ARFIP1: variants seen among roughly 807,000 people sequenced by gnomAD.
ARFIP1 encodes the protein ARF interacting protein 1, also known as arfaptin-1.
A neutral mutation model predicts 42.5 loss-of-function variants in ARFIP1; 24 were observed. The observed-to-expected ratio is 0.57, with a 90% CI of 0.41 to 0.80. The LOEUF (loss-of-function observed/expected upper bound fraction) is 0.80, where lower values mean the gene tolerates loss of function less well. ARFIP1 is among the 30% of genes least tolerant of loss of function. The pLI, the probability that ARFIP1 is intolerant of heterozygous loss-of-function variation, is 0.00. For missense variants in ARFIP1, 354 were observed against 434.0 expected, an observed-to-expected ratio of 0.82 and a Z score of 1.64; for synonymous variants, 141 against 153.7, an observed-to-expected ratio of 0.92 and a Z score of 0.61.
At chr4:152,877,521 G>T (rs1183289942) in intron 5 of ARFIP1, among the ~76,000 whole-genome samples, 1 of 152,196 alleles carries the variant, frequency 6.6e-6, no homozygotes, top group Admixed American at 6.5e-5. Flanking sequence ...TCTCAGATGA[G>T]ACTTTGGACT....
intron 8 of ARFIP1, among the ~76,000 whole-genome samples, chr4:152,904,259 C>G (rs978666047): frequency 4.7e-5 from 7 of 148,812 alleles, no homozygotes; most frequent in African/African-American, 1.5e-4. Flanking sequence ...GGCGCAATAT[C>G]GGCTCACTGC....
chr4:152,821,871 GT>G (rs1561122302), intron 1 of ARFIP1, among the ~76,000 whole-genome samples: 1 of 152,132 alleles, frequency 6.6e-6, no homozygotes, highest in Non-Finnish European at 1.5e-5. Context: ...GCAAAACTAA[GT>G]TGTATAAATG....
intron 1 of ARFIP1, 117 bp from the exon 2 acceptor site, chr4:152,829,508 T>A (rs750952818): frequency 5.5e-5 from 32 of 583,238 alleles, no homozygotes; most frequent in Non-Finnish European, 8.9e-5. Flanking sequence ...ATACAAGTAT[T>A]TGGTAGGTTG....
At chr4:152,885,387 A>G (rs538815140) in intron 7 of ARFIP1, among the ~76,000 whole-genome samples, 1 of 152,144 alleles carries the variant, frequency 6.6e-6, no homozygotes, top group East Asian at 1.9e-4. Context: ...CCCATTCAAC[A>G]CTTCTCCACA....
At chr4:152,781,785 A>T (rs1040448300) in intron 1 of ARFIP1, among the ~76,000 whole-genome samples, 6 of 152,200 alleles carry the variant, frequency 3.9e-5, no homozygotes, top group Non-Finnish European at 5.9e-5. Flanking sequence ...TTCCAAATTG[A>T]TAAACTGGTT....
intron 7 of ARFIP1, among the ~76,000 whole-genome samples, chr4:152,884,005 A>G (rs1253610398): frequency 1.3e-5 from 2 of 152,008 alleles, no homozygotes; most frequent in Admixed American, 1.3e-4. Context: ...GTATTTTTGC[A>G]ATTGAGTGCT....
chr4:152,833,812 T>C (rs1731436462), intron 2 of ARFIP1, among the ~76,000 whole-genome samples: 1 of 152,174 alleles, frequency 6.6e-6, no homozygotes. Context: ...TGTACTTACA[T>C]GTGGAATCTT....
chr4:152,860,265 A>G (rs549381544), intron 2 of ARFIP1, among the ~76,000 whole-genome samples: 42 of 152,360 alleles, frequency 2.8e-4, no homozygotes, highest in African/African-American at 9.1e-4. Context: ...TTATGCAGCC[A>G]TTAAGTGACT....
chr4:152,875,479 C>A (rs1735256747), intron 5 of ARFIP1, among the ~76,000 whole-genome samples: 1 of 148,312 alleles, frequency 6.7e-6, no homozygotes, highest in Non-Finnish European at 1.5e-5. Flanking sequence ...AAGAATTTGC[C>A]ATTAGCATTC....
chr4:152,811,068 C>T (rs1349995347), intron 1 of ARFIP1, among the ~76,000 whole-genome samples: 1 of 142,800 alleles, frequency 7.0e-6, no homozygotes, highest in African/African-American at 2.6e-5. Flanking sequence ...AAATCGACAA[C>T]AGCCACATGC....
chr4:152,899,820 T>TTA (rs1219800025), intron 8 of ARFIP1, among the ~76,000 whole-genome samples: 1 of 152,136 alleles, frequency 6.6e-6, no homozygotes, highest in Non-Finnish European at 1.5e-5. Context: ...ATAAGGATTT[T>TTA]TATATATATA....
chr4:152,820,410 T>C (rs1244771174), intron 1 of ARFIP1, among the ~76,000 whole-genome samples: 2 of 152,068 alleles, frequency 1.3e-5, no homozygotes, highest in Non-Finnish European at 2.9e-5. Flanking sequence ...ACAGTGAACC[T>C]TCTCACACAC....
At chr4:152,799,865 T>G (rs187222918) in intron 1 of ARFIP1, among the ~76,000 whole-genome samples, 6 of 152,308 alleles carry the variant, frequency 3.9e-5, no homozygotes, top group Admixed American at 3.9e-4. Flanking sequence ...AGTTTTGTCT[T>G]TGTAATTGTC....
At chr4:152,889,594 A>T (rs1271443797) in intron 8 of ARFIP1, among the ~76,000 whole-genome samples, 1 of 115,626 alleles carries the variant, frequency 8.6e-6, no homozygotes, top group Non-Finnish European at 1.7e-5. Context: ...TATACACATA[A>T]ATATATATAT....
chr4:152,804,366 T>TATTTTA (rs1188433256), intron 1 of ARFIP1, among the ~76,000 whole-genome samples: 14 of 86,356 alleles, frequency 1.6e-4, no homozygotes, highest in African/African-American at 5.9e-4. Context: ...GTATTATATA[T>TATTTTA]TATATATAAT....
At chr4:152,810,920 A>G (rs1036445088) in intron 1 of ARFIP1, among the ~76,000 whole-genome samples, 1 of 151,958 alleles carries the variant, frequency 6.6e-6, no homozygotes, top group African/African-American at 2.4e-5. Context: ...TATCTCTACT[A>G]TATGATGTTG....
At chr4:152,840,276 G>T (rs1403645262) in intron 2 of ARFIP1, among the ~76,000 whole-genome samples, 2 of 152,144 alleles carry the variant, frequency 1.3e-5, no homozygotes, top group African/African-American at 4.8e-5. Context: ...TTTGTTCCAA[G>T]GTATAGTTTA....
intron 8 of ARFIP1, among the ~76,000 whole-genome samples, chr4:152,906,849 C>T (rs1259620132): frequency 3.3e-5 from 5 of 152,216 alleles, no homozygotes; most frequent in Non-Finnish European, 5.9e-5. Context: ...ATACCAAGCA[C>T]ACTGCCTACC....
At chr4:152,847,679 G>A (rs1732674827) in intron 2 of ARFIP1, among the ~76,000 whole-genome samples, 1 of 152,078 alleles carries the variant, frequency 6.6e-6, no homozygotes, top group Non-Finnish European at 1.5e-5. Context: ...TGTAAACTGT[G>A]TGTAGTATTT....
Sources: gnomAD v4.1 joint callset for allele counts (sites outside exome capture counted in the v4.1 genomes callset) on GRCh38, gnomAD v4.1.1 for gene constraint, MANE v1.5 for transcripts, NCBI Gene and HGNC (gene_info 2026-07-23, HGNC 2026-07-21) for gene names.